The following AGBL1 variants were observed in gnomAD, a reference collection of about 807,000 sequenced individuals.
AGBL1 encodes AGBL carboxypeptidase 1.
AGBL1 carries 130 observed loss-of-function variants against 118.9 expected under a neutral mutation model. The ratio of observed to expected loss-of-function variants is 1.09; its 90% CI spans 0.95 to 1.26. The LOEUF is 1.26. Among genes scored for constraint, AGBL1 ranks in the 50% most tolerant of loss-of-function variants. The pLI, the probability that AGBL1 is intolerant of heterozygous loss-of-function variation, is 0.00. For missense variants in AGBL1, 1,584 were observed against 1,298.1 expected (o/e 1.22, Z -3.38); for synonymous variants, 555 against 478.9 (o/e 1.16, Z -2.08).
chr15:86,178,238 G>T (rs142075289), intron 5 of AGBL1, among the ~76,000 whole-genome samples: 1,524 of 152,312 alleles, frequency 0.01, 33 homozygotes, highest in African/African-American at 0.035. Flanking sequence ...CCTTGAACCA[G>T]GGAGTTGGAG....
chr15:86,370,301 C>CTT (rs5814238), intron 17 of AGBL1, among the ~76,000 whole-genome samples: 181 of 130,998 alleles, frequency 1.4e-3, no homozygotes, highest in Middle Eastern at 4.1e-3. Flanking sequence ...GTCTCTATTC[C>CTT]TTTTTTTTTT....
chr15:86,462,274 G>A (rs563821003), intron 18 of AGBL1, among the ~76,000 whole-genome samples: 2 of 152,188 alleles, frequency 1.3e-5, no homozygotes, highest in Non-Finnish European at 2.9e-5. Context: ...GGGGCATGAT[G>A]ATCAATAAAT....
At chr15:86,278,222 C>T (rs2079288575) in intron 15 of AGBL1, among the ~76,000 whole-genome samples, 1 of 152,170 alleles carries the variant, frequency 6.6e-6, no homozygotes, top group South Asian at 2.1e-4. Flanking sequence ...TTTAAAATTT[C>T]TATTTCTGTG....
intron 17 of AGBL1, among the ~76,000 whole-genome samples, chr15:86,308,485 C>A (rs2079873832): frequency 6.6e-6 from 1 of 152,164 alleles, no homozygotes; most frequent in African/African-American, 2.4e-5. Context: ...GCCTCCAAAA[C>A]CGTTAAAATA....
rs778414527 is a variant in AGBL1, at chr15:86,867,071, G to T, written c.3159-40016G>T. Among the ~76,000 whole-genome samples, 66 of 152,268 alleles carry T rather than the reference G, an allele frequency of 4.3e-4. 1 individual carries two copies. Among genetic ancestry groups the T allele is most frequent in the Non-Finnish European group, 8.1e-4 (55 of 68,020 alleles). ...CAGTGTGGCTGTGGCATGGAGTTTG[G>T]GAGTGGAGTGAGTAATGAGGAAGAA... On this transcript the variant is annotated intron_variant, in intron 22 of 22. Transcript: ENST00000614907.
chr15:86,580,048 G>A (rs2142329689), intron 21 of AGBL1, among the ~76,000 whole-genome samples: 1 of 152,268 alleles, frequency 6.6e-6, no homozygotes, highest in South Asian at 2.1e-4. Flanking sequence ...GCTGTGTTTG[G>A]CTTGATAGAT....
chr15:86,117,102 C>A (rs559302230), intron 1 of AGBL1, among the ~76,000 whole-genome samples: 1 of 152,098 alleles, frequency 6.6e-6, no homozygotes, highest in South Asian at 2.1e-4. Flanking sequence ...GAACTAAAAT[C>A]ACTATTTTAT....
intron 5 of AGBL1, among the ~76,000 whole-genome samples, chr15:86,184,140 A>T (rs923489195): frequency 7.2e-5 from 11 of 152,218 alleles, no homozygotes; most frequent in African/African-American, 2.7e-4. Flanking sequence ...TAAAAAATTT[A>T]ATTTGCTGAT....
intron 3 of AGBL1, among the ~76,000 whole-genome samples, chr15:86,145,093 C>G (rs1175994749): frequency 6.6e-6 from 1 of 152,162 alleles, no homozygotes; most frequent in Non-Finnish European, 1.5e-5. Flanking sequence ...CTGTTCTCCT[C>G]TGTATCATTT....
intron 24 of AGBL1, among the ~76,000 whole-genome samples, chr15:86,998,284 G>T (rs2081398583): frequency 1.3e-5 from 2 of 152,114 alleles, no homozygotes. Context: ...TCTCTCAATT[G>T]ACTCTATCCT....
At chr15:86,660,889 T>C (rs2085527372) in intron 21 of AGBL1, among the ~76,000 whole-genome samples, 1 of 152,138 alleles carries the variant, frequency 6.6e-6, no homozygotes. Flanking sequence ...CAAGCAAAAC[T>C]TGAAGGAAAA....
chr15:86,898,886 A>T (rs1289279636), intron 22 of AGBL1, among the ~76,000 whole-genome samples: 1 of 152,178 alleles, frequency 6.6e-6, no homozygotes, highest in African/African-American at 2.4e-5. Context: ...AAAGTCAAAA[A>T]ATAACATTTG....
At chr15:86,159,401 G>A (rs958955288) in intron 5 of AGBL1, among the ~76,000 whole-genome samples, 5 of 151,930 alleles carry the variant, frequency 3.3e-5, no homozygotes, top group South Asian at 2.1e-4. Flanking sequence ...CTTTTTACTC[G>A]CAGCAAATCT....
At position 86,101,267 on chromosome 15, in the gene AGBL1, C is replaced by T. The variant is rs767780658; in HGVS notation, c.51+21244C>T. Among the ~76,000 whole-genome samples the T allele has an allele frequency of 7.8e-4, 119 of 151,966 alleles. 1 individual carries two copies. The highest frequency in any genetic ancestry group is 5.2e-4 in the Admixed American group (8 of 15,258). ...TTTTATAATTGTTGAGTCTTGTTGT[C>T]GTCCTAACATTTGGTCTATCCTGGA... On this transcript the variant is annotated intron_variant, in intron 1 of 22. Coordinates refer to ENST00000614907, the MANE Select transcript of AGBL1 (RefSeq NM_001386094.1).
At position 86,743,897 on chromosome 15, in the gene AGBL1, A is replaced by C. The variant is rs1206949123; in HGVS notation, c.3158+69461A>C. Among the ~76,000 whole-genome samples, 4 of 152,150 alleles carry C rather than the reference A, an allele frequency of 2.6e-5. No homozygotes were observed. The East Asian group carries it at 7.7e-4, about 29-fold the overall frequency. On this transcript the variant is annotated intron_variant, in intron 22 of 22. Coordinates refer to ENST00000614907, the MANE Select transcript of AGBL1 (RefSeq NM_001386094.1). ...CCGCAACACACACACGTCTACACACAATCTTTATTTTTGACAAAAAGAAAA... is the reference window on the plus strand; with the variant it reads ...CCGCAACACACACACGTCTACACACCATCTTTATTTTTGACAAAAAGAAAA...
intron 1 of AGBL1, among the ~76,000 whole-genome samples, chr15:86,130,339 A>T (rs572062369): frequency 3.3e-5 from 5 of 152,116 alleles, no homozygotes; most frequent in Admixed American, 6.5e-5. Context: ...TATTATTATT[A>T]TACGTTAAGC....
intron 21 of AGBL1, among the ~76,000 whole-genome samples, chr15:86,558,808 C>A (rs368549673): frequency 6.6e-6 from 1 of 152,106 alleles, no homozygotes; most frequent in Admixed American, 6.5e-5. Context: ...AACTAGAGAC[C>A]GCAGATCAGA....
At chr15:86,141,216 A>G (rs1316108393) in intron 1 of AGBL1, among the ~76,000 whole-genome samples, 1 of 152,224 alleles carries the variant, frequency 6.6e-6, no homozygotes, top group Non-Finnish European at 1.5e-5. Flanking sequence ...CAAGCATTGC[A>G]GAGATCCTTT....
At chr15:86,819,981 A>G (rs553510446) in intron 22 of AGBL1, among the ~76,000 whole-genome samples, 227 of 152,286 alleles carry the variant, frequency 1.5e-3, no homozygotes, top group African/African-American at 5.2e-3. Context: ...CCTCAGAAAT[A>G]ATGTCACGTA....
Sources: gnomAD v4.1 joint callset for allele counts (sites outside exome capture counted in the v4.1 genomes callset) on GRCh38, gnomAD v4.1.1 for gene constraint, MANE v1.5 for transcripts, NCBI Gene and HGNC (gene_info 2026-07-23, HGNC 2026-07-21) for gene names.